Variants in DLGAP2 observed in about 807,000 individuals in gnomAD.
DLGAP2 encodes the protein disks large-associated protein 2.
DLGAP2 carries 26 observed loss-of-function variants against 100.3 expected under a neutral mutation model. The ratio of observed to expected loss-of-function variants is 0.26; its 90% confidence interval spans 0.19 to 0.36. The LOEUF is 0.36. Among genes scored for constraint, DLGAP2 ranks in the 10% least tolerant of loss-of-function variants. The pLI is 1.00. For missense variants in DLGAP2, 1,858 were observed against 1,453.2 expected (o/e 1.28, Z -4.53); for synonymous variants, 886 against 630.1 (o/e 1.41, Z -6.08).
intron 1 of DLGAP2, among the ~76,000 whole-genome samples, chr8:815,892 G>T (rs1250427984): frequency 6.6e-6 from 1 of 152,178 alleles, no homozygotes; most frequent in African/African-American, 2.4e-5. Flanking sequence ...GGGAGCTTCA[G>T]TGTTAGTTAC....
intron 2 of DLGAP2, among the ~76,000 whole-genome samples, chr8:1,111,545 C>T (rs1396218190): frequency 6.6e-6 from 1 of 152,126 alleles, no homozygotes; most frequent in Non-Finnish European, 1.5e-5. Context: ...TCATGGTCCC[C>T]TCCCCGCTCC....
chr8:1,691,646 A>ACCCCTGTTCCCTGTAACCAAGCTAATGGG lies in DLGAP2; in HGVS notation c.2796+22_2796+50dup. 1 of 1,596,684 alleles carries ACCCCTGTTCCCTGTAACCAAGCTAATGGG rather than the reference A, an allele frequency of 6.3e-7. No homozygotes were observed. Among genetic ancestry groups the ACCCCTGTTCCCTGTAACCAAGCTAATGGG allele is most frequent in the Non-Finnish European group, 8.6e-7 (1 of 1,166,504 alleles). On this transcript the variant is annotated intron_variant, in intron 13 of 14. Coordinates refer to ENST00000637795, the MANE Select transcript of DLGAP2 (RefSeq NM_001346810.2). The stretch of plus-strand genomic sequence containing the variant: ...AATATGGTAAGTGAATCCTCAGTGA[A>ACCCCTGTTCCCTGTAACCAAGCTAATGGG]CCCCTGTTCCCTGTAACCAAGCTAA...
chr8:1,059,108 G>A (rs1802973478), intron 2 of DLGAP2, among the ~76,000 whole-genome samples: 1 of 152,130 alleles, frequency 6.6e-6, no homozygotes. Context: ...CCATCTCTCT[G>A]TGTCCAGTGG....
intron 2 of DLGAP2, among the ~76,000 whole-genome samples, chr8:1,241,339 GTCTCACATGGCGCCGTGTCTAGTTC>G (rs1386191875): frequency 0.036 from 3,174 of 88,386 alleles, 104 homozygotes; most frequent in African/African-American, 0.12. Flanking sequence ...GTGTCTAGTT[GTCTCACATGGCGCCGTGTCTAGTTC>G]TCTCACATGG....
chr8:1,081,290 C>T lies in DLGAP2; in HGVS notation c.73+173324C>T, dbSNP rs532324160. Among the ~76,000 whole-genome samples, 4 of 152,308 alleles carry T rather than the reference C, an allele frequency of 2.6e-5. No homozygotes were observed. In the South Asian group the frequency reaches 8.3e-4, roughly 32 times the overall value. ...AGTAAAAACTCAATAAAAATTCATT[C>T]TTAGCTATTACTATTTGTGTTGCTA... On this transcript the variant is annotated intron_variant, in intron 2 of 14. Coordinates refer to ENST00000637795, the MANE Select transcript of DLGAP2 (RefSeq NM_001346810.2).
At chr8:1,430,201 C>G (rs1797385366) in intron 3 of DLGAP2, among the ~76,000 whole-genome samples, 1 of 150,940 alleles carries the variant, frequency 6.6e-6, no homozygotes, top group African/African-American at 2.4e-5. Flanking sequence ...ACTTTAATCC[C>G]TATATGTCAC....
chr8:1,322,842 A>G (rs539416995), intron 3 of DLGAP2, among the ~76,000 whole-genome samples: 1 of 152,194 alleles, frequency 6.6e-6, no homozygotes, highest in Non-Finnish European at 1.5e-5. Flanking sequence ...CTATATTTGT[A>G]GGTTTCTATG....
At chr8:1,133,169 C>G (rs1796333565) in intron 2 of DLGAP2, among the ~76,000 whole-genome samples, 1 of 152,134 alleles carries the variant, frequency 6.6e-6, no homozygotes, top group African/African-American at 2.4e-5. Flanking sequence ...AGGTGATTAC[C>G]TTCTTAACAA....
intron 2 of DLGAP2, among the ~76,000 whole-genome samples, chr8:998,697 C>G (rs1453699351): frequency 6.6e-6 from 1 of 152,126 alleles, no homozygotes; most frequent in Non-Finnish European, 1.5e-5. Flanking sequence ...CGATTTCTTC[C>G]TAGGTGAGAA....
At chr8:1,492,830 A>T (rs943570534) in intron 3 of DLGAP2, among the ~76,000 whole-genome samples, 5 of 152,214 alleles carry the variant, frequency 3.3e-5, no homozygotes, top group Non-Finnish European at 7.4e-5. Context: ...ACGACCACGG[A>T]GAGCTGCGGG....
chr8:1,550,197 CCTT>C (rs1432276684), intron 5 of DLGAP2, among the ~76,000 whole-genome samples: 3 of 152,220 alleles, frequency 2.0e-5, no homozygotes, highest in Non-Finnish European at 4.4e-5. Flanking sequence ...TGGCAGATCT[CCTT>C]CTTTCAAAGA....
intron 2 of DLGAP2, among the ~76,000 whole-genome samples, chr8:973,227 G>A (rs576102073): frequency 7.3e-5 from 11 of 150,774 alleles, no homozygotes; most frequent in African/African-American, 1.7e-4. Flanking sequence ...CCTCCCAGAC[G>A]GGGCGGCTGG....
chr8:1,263,718 A>C (rs1358017202), intron 3 of DLGAP2, among the ~76,000 whole-genome samples: 1 of 152,140 alleles, frequency 6.6e-6, no homozygotes, highest in Non-Finnish European at 1.5e-5. Context: ...TTGCTTCTTG[A>C]AATTGCATAT....
chr8:812,086 CT>C (rs1308871684), intron 1 of DLGAP2, among the ~76,000 whole-genome samples: 1 of 152,210 alleles, frequency 6.6e-6, no homozygotes, highest in African/African-American at 2.4e-5. Flanking sequence ...GTGTGTGCTC[CT>C]CCATCTCTGC....
At chr8:794,943 T>G (rs955647226) in intron 1 of DLGAP2, among the ~76,000 whole-genome samples, 1 of 152,326 alleles carries the variant, frequency 6.6e-6, no homozygotes, top group East Asian at 1.9e-4. Flanking sequence ...ATTTGTGTTA[T>G]GCGTGTGGCT....
chr8:1,224,005 G>T (rs1016456926), intron 2 of DLGAP2, among the ~76,000 whole-genome samples: 1 of 152,118 alleles, frequency 6.6e-6, no homozygotes, highest in African/African-American at 2.4e-5. Flanking sequence ...GTTTCCCCTT[G>T]ATGTGGATTA....
chr8:1,182,195 T>C (rs1211033806), intron 2 of DLGAP2, among the ~76,000 whole-genome samples: 1 of 152,224 alleles, frequency 6.6e-6, no homozygotes, highest in African/African-American at 2.4e-5. Context: ...GTCACGGTGC[T>C]CTAAGCAGGG....
chr8:1,482,462 A>G (rs1250533731), intron 3 of DLGAP2, among the ~76,000 whole-genome samples: 1 of 152,220 alleles, frequency 6.6e-6, no homozygotes, highest in Non-Finnish European at 1.5e-5. Flanking sequence ...AAAAATAATC[A>G]CAGAATGTAT....
intron 6 of DLGAP2, chr8:1,620,474 C>G (rs1245228460): frequency 6.6e-6 from 1 of 152,348 alleles, no homozygotes; most frequent in Non-Finnish European, 1.5e-5. Flanking sequence ...CCCTGCCCGT[C>G]ACACTTGCTC....
Sources: gnomAD v4.1 joint callset for allele counts (sites outside exome capture counted in the v4.1 genomes callset) on GRCh38, gnomAD v4.1.1 for gene constraint, MANE v1.5 for transcripts, NCBI Gene and HGNC (gene_info 2026-07-23, HGNC 2026-07-21) for gene names.